The following CELSR1 variants were observed in gnomAD, a reference collection of about 807,000 sequenced individuals.
The protein encoded by CELSR1 is adhesion G protein-coupled receptor C1.
A neutral mutation model predicts 249.1 loss-of-function variants in CELSR1; 110 were observed. The observed-to-expected ratio is 0.44, with a 90% confidence interval of 0.38 to 0.52. The LOEUF (loss-of-function observed/expected upper bound fraction) is 0.52. Among genes scored for constraint, CELSR1 ranks in the 20% least tolerant of loss-of-function variants. The pLI, the probability that CELSR1 is intolerant of heterozygous loss-of-function variation, is 0.00. For synonymous variants in CELSR1, 2,113 were observed against 1,900.0 expected (o/e 1.11, Z -2.92); for missense variants, 4,109 against 4,296.4 (o/e 0.96, Z 1.22).
chr22:46,457,679 C>G (rs2079972639), intron 2 of CELSR1, among the ~76,000 whole-genome samples: 1 of 152,242 alleles, frequency 6.6e-6, no homozygotes, highest in African/African-American at 2.4e-5. Flanking sequence ...TGCCCAGAGG[C>G]CTGGAGCCCA....
intron 1 of CELSR1, among the ~76,000 whole-genome samples, chr22:46,531,060 T>G (rs8138213): frequency 0.34 from 52,011 of 152,184 alleles, 10,716 homozygotes; most frequent in African/African-American, 0.58. Flanking sequence ...AGGGCTGATC[T>G]TTTTGTTTGG....
chr22:46,377,473 GGGCCTGCGGCAGCACGCCA>G (rs1408662021), intron 23 of CELSR1: 2 of 595,488 alleles, frequency 3.4e-6, no homozygotes, highest in Non-Finnish European at 5.9e-6. Context: ...GGCATCCCTG[GGGCCTGCGGCAGCACGCCA>G]GGCTCCCTCC....
intron 20 of CELSR1, 152 bp from the exon 21 acceptor site, chr22:46,382,202 A>T (rs759474563): frequency 7.2e-6 from 5 of 690,158 alleles, no homozygotes; most frequent in Non-Finnish European, 1.2e-5. Flanking sequence ...AGGACTTATC[A>T]CATGACCCTG....
intron 1 of CELSR1, among the ~76,000 whole-genome samples, chr22:46,514,509 G>A (rs370416356): frequency 6.6e-6 from 1 of 152,196 alleles, no homozygotes; most frequent in Non-Finnish European, 1.5e-5. Context: ...TCCTGGTGAG[G>A]TGGGGAGTGG....
intron 20 of CELSR1, 118 bp downstream of exon 20, chr22:46,384,425 T>C: frequency 4.0e-6 from 5 of 1,243,924 alleles, no homozygotes; most frequent in Non-Finnish European, 5.4e-6. Context: ...CAGAGAGCAC[T>C]CGGAACACTC....
Position 46,536,576 on chromosome 22 carries a change from C to T in CELSR1, c.595G>A (p.Ala199Thr). 8.0e-7 allele frequency: 1 copy of T among 1,244,838 alleles called. No homozygotes were observed. The highest frequency in any genetic ancestry group is 1.0e-6 in the Non-Finnish European group (1 of 998,496). The allele number at this position is 1,244,838 out of a possible 1,614,324, so 77.1% of individuals were successfully genotyped here. Residue 199 changes from alanine (A) to threonine (T), a missense_variant, in exon 1 of 35, where the codon GCG becomes ACG. Around this residue, in one of 7 missense-constraint regions of CELSR1, gnomAD observed 673 missense variants for 636.8 expected, o/e 1.06. Transcript: ENST00000674500. Reference protein sequence around the residue: ...RAAGAVRVGLALEAATAGTPS... With the variant: ...RAAGAVRVGLTLEAATAGTPS... ...GTCCCCGCGGTGGCGGCCTCCAGCG[C>T]CAGTCCCACCCGGACGGCGCCAGCC...
At chr22:46,377,680 A>G (rs889951101) in intron 23 of CELSR1, 2 of 222,710 alleles carry the variant, frequency 9.0e-6, no homozygotes, top group Admixed American at 1.0e-4. Flanking sequence ...AACAAACTCC[A>G]CTAATCACTG....
chr22:46,367,773 C>T lies in CELSR1; in HGVS notation c.8035G>A (p.Ala2679Thr). Residue 2679 changes from alanine (A) to threonine (T), a missense_variant, in exon 28 of 35, where the codon GCA becomes ACA. Transcript: ENST00000674500. ...LLGLLAVNRD[A>T]LSFHYLFAIF... ...GCGAAGAGGTAGTGAAAGCTCAGTG[C>T]ATCGCGGTTCACAGCCAGCAGCCCC... The T allele has an allele frequency of 1.2e-6, 2 of 1,610,238 alleles. No homozygotes were observed. Among genetic ancestry groups the T allele is most frequent in the South Asian group, 1.1e-5 (1 of 90,122 alleles).
At chr22:46,524,269 A>G (rs1436757776) in intron 1 of CELSR1, among the ~76,000 whole-genome samples, 1 of 152,182 alleles carries the variant, frequency 6.6e-6, no homozygotes, top group East Asian at 1.9e-4. Flanking sequence ...GGTGGGAAGC[A>G]CACAGACCCA....
rs929746759 is a variant in CELSR1, at chr22:46,396,805, AATATCTGG to A, written c.5702-67_5702-60del. The A allele has an allele frequency of 5.7e-6, 9 of 1,578,156 alleles. No individual in the cohort carries two copies. In the African/African-American group the frequency reaches 8.1e-5, roughly 14 times the overall value. On this transcript the variant is annotated intron_variant, in intron 12 of 34. Coordinates refer to ENST00000674500, the MANE Select transcript of CELSR1 (RefSeq NM_001378328.1). The surrounding 1 kb of genome is among the most constrained non-coding windows in gnomAD (Gnocchi z 6.4). ...CAATCCACGAGACCTTCCACGTTAA[AATATCTGG>A]AGCAACCTGTCCCCTCCAGAAGATC...
chr22:46,369,881 T>G (rs1451343664), intron 25 of CELSR1, 77 bp from the exon 26 acceptor site: 1 of 1,167,130 alleles, frequency 8.6e-7, no homozygotes, highest in African/African-American at 1.5e-5. Flanking sequence ...CCAGCCAGGG[T>G]GGGGTGAAAT....
intron 1 of CELSR1, among the ~76,000 whole-genome samples, chr22:46,515,601 G>T (rs983154747): frequency 1.3e-5 from 2 of 152,172 alleles, no homozygotes; most frequent in Admixed American, 1.3e-4. Context: ...ACAGCCAATA[G>T]GACGGGCCTC....
intron 1 of CELSR1, among the ~76,000 whole-genome samples, chr22:46,510,035 A>G (rs897171259): frequency 2.6e-5 from 4 of 152,186 alleles, no homozygotes; most frequent in African/African-American, 9.6e-5. Flanking sequence ...GTCCCTTTCC[A>G]GGGCAGGAGG....
rs571685282 is a variant in CELSR1, at chr22:46,488,860, C to T, written c.3545-24515G>A. 1.1e-4 allele frequency among the ~76,000 whole-genome samples: 17 copies of T among 152,232 alleles called. No individual in the cohort carries two copies. Among genetic ancestry groups the T allele is most frequent in the South Asian group, 1.0e-3 (5 of 4,820 alleles). ...ATTTTTAGTAGAGACGGGGTTTCAC[C>T]GTGTTAGCCAGGATGGTCTCGATCT... On this transcript the variant is annotated intron_variant, in intron 1 of 34. Transcript: ENST00000674500. The surrounding 1 kb of genome is among the most constrained non-coding windows in gnomAD (Gnocchi z 4.7).
chr22:46,435,701 TTTATTA>T (rs1187523637), intron 4 of CELSR1, among the ~76,000 whole-genome samples: 1 of 152,068 alleles, frequency 6.6e-6, no homozygotes, highest in East Asian at 1.9e-4. Context: ...TGAACATCTT[TTTATTA>T]TTATTATTTT....
At position 46,433,686 on chromosome 22, in the gene CELSR1, C is replaced by A. The variant is rs887835520; in HGVS notation, c.4523-205G>T. 2.0e-5 allele frequency among the ~76,000 whole-genome samples: 3 copies of A among 152,092 alleles called. No homozygotes were observed. The highest frequency in any genetic ancestry group is 7.2e-5 in the African/African-American group (3 of 41,426). On this transcript the variant is annotated intron_variant, in intron 4 of 34. Coordinates refer to ENST00000674500, the MANE Select transcript of CELSR1 (RefSeq NM_001378328.1). The surrounding 1 kb of genome is among the most constrained non-coding windows in gnomAD (Gnocchi z 5.7). ...CAAAAGTAATTCTTGTTCCTCTTTT[C>A]TGGTTTTGTTTGTTTTGAGATGGAG...
At position 46,478,860 on chromosome 22, in the gene CELSR1, G is replaced by A. The variant is rs574159877; in HGVS notation, c.3545-14515C>T. ...AGCCACCGTGCCCAGCCGAAGATGAGACGTCTTAGTAAACACAGCAACGAG... is the reference window on the plus strand; with the variant it reads ...AGCCACCGTGCCCAGCCGAAGATGAAACGTCTTAGTAAACACAGCAACGAG... On this transcript the variant is annotated intron_variant, in intron 1 of 34. Transcript: ENST00000674500. Among the ~76,000 whole-genome samples the A allele has an allele frequency of 4.5e-3, 680 of 152,034 alleles. 2 individuals are homozygous for A. The highest frequency in any genetic ancestry group is 7.7e-3 in the Non-Finnish European group (526 of 67,968).
chr22:46,364,261 G>A lies in CELSR1; in HGVS notation c.8780-10C>T, dbSNP rs749741491. 30 of 1,605,906 alleles carry A rather than the reference G, an allele frequency of 1.9e-5. No homozygotes were observed. The highest frequency in any genetic ancestry group is 2.5e-5 in the Non-Finnish European group (30 of 1,179,356). On this transcript the variant is annotated splice_polypyrimidine_tract_variant and intron_variant, in intron 33 of 34. Coordinates refer to ENST00000674500, the MANE Select transcript of CELSR1 (RefSeq NM_001378328.1). ...TTATTTTTCAAGATGCCTGGGAGGA[G>A]GAGACACGGCAAGGTCAAGTCCGGG...
Position 46,433,327 on chromosome 22 carries a change from G to T in CELSR1, c.4611+66C>A, listed in dbSNP as rs1348089442. On this transcript the variant is annotated intron_variant, in intron 5 of 34. Transcript: ENST00000674500. The surrounding 1 kb of genome is among the most constrained non-coding windows in gnomAD (Gnocchi z 5.7). ...TGGGATTACAGGCGTGAGCCACTGC[G>T]CCTCGCCCCAGGGCACCTTCTCGAG... 1.6e-6 allele frequency: 2 copies of T among 1,259,100 alleles called. No homozygotes were observed. The highest frequency in any genetic ancestry group is 2.3e-6 in the Non-Finnish European group (2 of 877,426). 78.0% of individuals were successfully genotyped at this position (1,259,100 alleles called of 1,614,324 possible). A position where few individuals can be genotyped will look rare whatever the true frequency, so the allele number is the denominator to read the frequency against.
Sources: allele counts gnomAD v4.1 joint callset (sites outside exome capture counted in the v4.1 genomes callset), GRCh38; gene constraint gnomAD v4.1.1; regional missense constraint gnomAD v4.1.1; non-coding constraint Gnocchi (gnomAD v3.1); transcripts MANE v1.5; gene names NCBI Gene and HGNC (gene_info 2026-07-23, HGNC 2026-07-21).